Variants in KIAA0319 observed in about 807,000 individuals in gnomAD.
The protein encoded by KIAA0319 is dyslexia-associated protein KIAA0319.
KIAA0319 carries 83 observed loss-of-function variants against 108.4 expected under a neutral mutation model. That is an observed-to-expected ratio of 0.77 (90% CI 0.64 to 0.92). The LOEUF is 0.92. Among genes scored for constraint, KIAA0319 ranks in the 40% least tolerant of loss-of-function variants. KIAA0319 has a pLI of 0.00. For synonymous variants in KIAA0319, 484 were observed against 510.4 expected (o/e 0.95, Z 0.70); for missense variants, 1,195 against 1,322.4 (o/e 0.90, Z 1.49).
At chr6:24,582,170 T>C (rs112188068) in intron 6 of KIAA0319, 79 bp downstream of exon 6, 16 of 826,020 alleles carry the variant, frequency 1.9e-5, no homozygotes, top group African/African-American at 1.3e-4. Flanking sequence ...ACGTTTGGGT[T>C]CAGTAGCTAA....
intron 1 of KIAA0319, among the ~76,000 whole-genome samples, chr6:24,635,879 G>A (rs1776140792): frequency 6.6e-6 from 1 of 152,168 alleles, no homozygotes; most frequent in Non-Finnish European, 1.5e-5. Context: ...TTGTTCCGTA[G>A]CAATAGCAAA....
At chr6:24,612,009 C>T (rs993360839) in intron 1 of KIAA0319, among the ~76,000 whole-genome samples, 7 of 150,252 alleles carry the variant, frequency 4.7e-5, no homozygotes, top group African/African-American at 9.8e-5. Context: ...TGAGATCACA[C>T]TGCACTCCAG....
intron 4 of KIAA0319, among the ~76,000 whole-genome samples, chr6:24,584,991 A>C (rs182887511): frequency 1.4e-4 from 21 of 152,338 alleles, no homozygotes; most frequent in African/African-American, 4.8e-4. Context: ...TCAGGCTCAA[A>C]GTAAATACAA....
intron 1 of KIAA0319, among the ~76,000 whole-genome samples, chr6:24,608,547 GATGGTACAGGTGCAAAAATGGATCACTGA>G (rs1489790198): frequency 3.9e-5 from 6 of 152,090 alleles, no homozygotes; most frequent in Admixed American, 1.3e-4. Flanking sequence ...ATTAAAAGAG[GATGGTACAGGTGCAAAAATGGATCACTGA>G]ATGGTACAGA....
downstream of KIAA0319, among the ~76,000 whole-genome samples, chr6:24,540,363 A>T (rs1760156881): frequency 6.6e-6 from 1 of 152,214 alleles, no homozygotes; most frequent in Admixed American, 6.5e-5. Context: ...TCACTAGGTG[A>T]CAGGAACTTT....
intron 10 of KIAA0319, among the ~76,000 whole-genome samples, chr6:24,574,600 T>A (rs539245973): frequency 6.6e-6 from 1 of 152,188 alleles, no homozygotes; most frequent in African/African-American, 2.4e-5. Context: ...ATGTTTGAAG[T>A]TCATGGCATC....
chr6:24,608,891 A>G (rs1771840518), intron 1 of KIAA0319, among the ~76,000 whole-genome samples: 1 of 127,714 alleles, frequency 7.8e-6, no homozygotes, highest in South Asian at 2.7e-4. Flanking sequence ...AGATCATGTC[A>G]CTGCACTCCA....
In KIAA0319 at chr6:24,554,540, C is replaced by T. The variant is rs1163234181; in HGVS notation, c.2948+1G>A. On this transcript the variant is annotated splice_donor_variant, in intron 19 of 20. Transcript: ENST00000378214. LOFTEE classifies it high-confidence loss of function. ...TTCCCAGGAATAAGCACTCTAGGTA[C>T]CTTTTGCAGCAGCAGATGCAAAGCC... 6.2e-7 allele frequency: 1 copy of T among 1,610,068 alleles called. No individual in the cohort carries two copies. The highest frequency in any genetic ancestry group is 8.5e-7 in the Non-Finnish European group (1 of 1,176,430).
chr6:24,592,467 T>A (rs1768651563), intron 3 of KIAA0319, among the ~76,000 whole-genome samples: 1 of 152,212 alleles, frequency 6.6e-6, no homozygotes, highest in Non-Finnish European at 1.5e-5. Context: ...GGTCTCACTC[T>A]GTTGCCCAGG....
At chr6:24,602,693 C>T (rs893713278) in intron 1 of KIAA0319, among the ~76,000 whole-genome samples, 19 of 151,944 alleles carry the variant, frequency 1.3e-4, no homozygotes, top group Non-Finnish European at 2.1e-4. Context: ...CCCAGCTACT[C>T]GGGAGGCTGA....
intron 16 of KIAA0319, 150 bp from the exon 17 acceptor site, chr6:24,559,305 G>A: frequency 1.3e-6 from 1 of 741,196 alleles, no homozygotes. Flanking sequence ...TGTGAGCCAA[G>A]GAATTGATGT....
chr6:24,640,700 T>C (rs900338452), intron 1 of KIAA0319, among the ~76,000 whole-genome samples: 3 of 152,214 alleles, frequency 2.0e-5, no homozygotes, highest in African/African-American at 4.8e-5. Context: ...TTGCCCAGGC[T>C]GGAATGCAGT....
At chr6:24,602,278 A>C (rs1770738458) in intron 1 of KIAA0319, among the ~76,000 whole-genome samples, 2 of 152,114 alleles carry the variant, frequency 1.3e-5, no homozygotes, top group South Asian at 4.1e-4. Context: ...TGGCCTCTCA[A>C]CGATTACAGG....
chr6:24,570,891 T>C (rs906361334), intron 11 of KIAA0319, among the ~76,000 whole-genome samples: 2 of 152,126 alleles, frequency 1.3e-5, no homozygotes, highest in Admixed American at 6.5e-5. Flanking sequence ...GTAAAAGATA[T>C]AAAGTATTGC....
At chr6:24,541,359 C>T (rs1760185944), downstream of KIAA0319, among the ~76,000 whole-genome samples, 1 of 152,310 alleles carries the variant, frequency 6.6e-6, no homozygotes, top group Admixed American at 6.5e-5. Flanking sequence ...ATAAGAAAAC[C>T]AGTCGATTGG....
At chr6:24,560,469 C>T (rs899242384) in intron 16 of KIAA0319, among the ~76,000 whole-genome samples, 1 of 152,206 alleles carries the variant, frequency 6.6e-6, no homozygotes, top group South Asian at 2.1e-4. Context: ...AGCACCTTTT[C>T]ATGTGCTTAT....
intron 1 of KIAA0319, among the ~76,000 whole-genome samples, chr6:24,626,122 C>T (rs943258808): frequency 6.6e-6 from 1 of 152,198 alleles, no homozygotes; most frequent in African/African-American, 2.4e-5. Context: ...ATTCTATTTA[C>T]ATGAAATGTC....
intron 12 of KIAA0319, 71 bp downstream of exon 12, chr6:24,569,832 A>G: frequency 6.5e-7 from 1 of 1,549,068 alleles, no homozygotes; most frequent in Admixed American, 1.9e-5. Flanking sequence ...TTTACTACAG[A>G]TCCTCCAGAG....
At chr6:24,579,003 T>G (rs1235625853) in intron 8 of KIAA0319, among the ~76,000 whole-genome samples, 1 of 152,240 alleles carries the variant, frequency 6.6e-6, no homozygotes, top group Non-Finnish European at 1.5e-5. Flanking sequence ...AATGGTCATG[T>G]CAATGTGATC....
Sources: gnomAD v4.1 joint callset for allele counts (sites outside exome capture counted in the v4.1 genomes callset) on GRCh38, gnomAD v4.1.1 for gene constraint, MANE v1.5 for transcripts, NCBI Gene and HGNC (gene_info 2026-07-23, HGNC 2026-07-21) for gene names.